Variants in STT3B observed in about 807,000 individuals in gnomAD.
The protein encoded by STT3B is dolichyl-diphosphooligosaccharide--protein glycosyltransferase subunit STT3B.
In STT3B, 29 loss-of-function variants were observed where a neutral mutation model predicts 96.8. That is an observed-to-expected ratio of 0.30 (90% CI 0.22 to 0.41). STT3B has a LOEUF of 0.41. Among genes scored for constraint, STT3B ranks in the 10% least tolerant of loss-of-function variants. The probability of loss-of-function intolerance (pLI) is 1.00; values close to 1 mark genes in which losing one functional copy is unlikely to be tolerated. For missense variants in STT3B, 640 were observed against 1,022.3 expected, an observed-to-expected ratio of 0.63 and a Z score of 5.10; for synonymous variants, 367 against 360.0, an observed-to-expected ratio of 1.02 and a Z score of -0.22.
chr3:31,610,585 CCTTTT>C (rs1341645630), intron 5 of STT3B, among the ~76,000 whole-genome samples: 3 of 152,078 alleles, frequency 2.0e-5, no homozygotes, highest in South Asian at 2.1e-4. Flanking sequence ...CTTTTCAGTG[CCTTTT>C]CTTTTCTAGA....
intron 5 of STT3B, among the ~76,000 whole-genome samples, chr3:31,605,151 T>G (rs1451663144): frequency 6.6e-6 from 1 of 152,170 alleles, no homozygotes; most frequent in Non-Finnish European, 1.5e-5. Context: ...AGGTGATTAC[T>G]GTATTAAGAC....
intron 3 of STT3B, among the ~76,000 whole-genome samples, chr3:31,589,746 T>G (rs559870086): frequency 2.0e-5 from 3 of 152,126 alleles, no homozygotes; most frequent in Admixed American, 2.0e-4. Flanking sequence ...TTTAGATTCC[T>G]TAGGATTTTC....
At chr3:31,613,470 C>T (rs1699230438) in intron 5 of STT3B, among the ~76,000 whole-genome samples, 1 of 152,074 alleles carries the variant, frequency 6.6e-6, no homozygotes, top group Admixed American at 6.6e-5. Context: ...TAGGATTTGA[C>T]TTCTCAGCTC....
At position 31,533,289 on chromosome 3, in the gene STT3B, C is replaced by A; in HGVS notation, c.291C>A (p.Ser97Arg). Residue 97 changes from serine to arginine, a missense_variant, in exon 1 of 16, where the codon AGC (serine) becomes AGA (arginine). Ser to Arg is a moderately radical substitution (Grantham distance 110, BLOSUM62 -1). This residue lies in a region of STT3B where 267 missense variants were observed against 388.3 expected (regional missense o/e 0.69). Coordinates refer to ENST00000295770, the MANE Select transcript of STT3B (RefSeq NM_178862.3). ...SRLFAVIRFE[S>R]IIHEFDPWFN... is the part of the protein sequence containing the mutation. Reference sequence around the variant, plus strand: ...TCTTCGCCGTCATCCGCTTCGAAAGCATCATCCACGAGTTCGACCCGTGGT... The same window carrying A: ...TCTTCGCCGTCATCCGCTTCGAAAGAATCATCCACGAGTTCGACCCGTGGT... The A allele has an allele frequency of 6.5e-7, 1 of 1,537,246 alleles. No homozygotes were observed.
chr3:31,630,133 A>G (rs1699623916), intron 14 of STT3B, among the ~76,000 whole-genome samples: 1 of 152,218 alleles, frequency 6.6e-6, no homozygotes, highest in African/African-American at 2.4e-5. Context: ...ATGTCACCCC[A>G]AAATATGCCT....
chr3:31,626,279 G>C (rs2125477644), intron 13 of STT3B, 152 bp downstream of exon 13: 1 of 695,474 alleles, frequency 1.4e-6, no homozygotes, highest in African/African-American at 1.8e-5. Context: ...AGATAGTAGA[G>C]GCATTTCCTA....
intron 9 of STT3B, among the ~76,000 whole-genome samples, chr3:31,620,946 T>A (rs1699414613): frequency 6.6e-6 from 1 of 152,194 alleles, no homozygotes; most frequent in Non-Finnish European, 1.5e-5. Context: ...TAATACTGCA[T>A]CATTCAAGAA....
intron 13 of STT3B, among the ~76,000 whole-genome samples, chr3:31,627,341 T>C (rs1699559345): frequency 6.6e-6 from 1 of 152,210 alleles, no homozygotes; most frequent in South Asian, 2.1e-4. Context: ...AACTAATGCC[T>C]GTTGATCTGA....
intron 1 of STT3B, among the ~76,000 whole-genome samples, chr3:31,558,124 A>G (rs951697440): frequency 1.3e-5 from 2 of 152,202 alleles, no homozygotes; most frequent in African/African-American, 4.8e-5. Context: ...GTGATATGCA[A>G]AGTGGGACAG....
Position 31,533,229 on chromosome 3 carries a change from C to T in STT3B, c.231C>T (p.Leu77=), listed in dbSNP as rs1490116572. 1.3e-6 allele frequency: 2 copies of T among 1,490,086 alleles called. No homozygotes were observed. Among genetic ancestry groups the T allele is most frequent in the Non-Finnish European group, 1.8e-6 (2 of 1,116,988 alleles). 92.3% of individuals were successfully genotyped at this position (1,490,086 alleles called of 1,614,324 possible). A position where few individuals can be genotyped will look rare whatever the true frequency, so the allele number is the denominator to read the frequency against. The change falls in exon 1 of 16, where the codon CTC becomes CTT. Residue 77 remains leucine, a synonymous_variant. Coordinates refer to ENST00000295770, the MANE Select transcript of STT3B (RefSeq NM_178862.3). The part of the protein sequence containing the change: ...GWQSLLSFTI[L]FLAWLAGFSS... The stretch of plus-strand genomic sequence containing the variant: ...AGTCGCTTCTCTCCTTCACCATCCT[C>T]TTCCTGGCCTGGCTTGCCGGCTTCA...
chr3:31,635,852 T>A (rs1307682357), intron 15 of STT3B, 132 bp from the exon 16 acceptor site: 3 of 605,690 alleles, frequency 5.0e-6, no homozygotes, highest in African/African-American at 3.8e-5. Context: ...ACTGAACTAT[T>A]CAAGGAATCC....
At position 31,611,744 on chromosome 3, in the gene STT3B, G is replaced by A. The variant is rs60404602; in HGVS notation, c.878-3361G>A. On this transcript the variant is annotated intron_variant, in intron 5 of 15. Coordinates refer to ENST00000295770, the MANE Select transcript of STT3B (RefSeq NM_178862.3). ...ATTCCCAACCTCAAGTGATGCATCC[G>A]CCTCAGCCTCCTAAAGTGCTAGGAT... 1.2e-3 allele frequency among the ~76,000 whole-genome samples: 179 copies of A among 152,154 alleles called. 1 individual carries two copies. Among genetic ancestry groups the A allele is most frequent in the African/African-American group, 4.2e-3 (174 of 41,512 alleles).
chr3:31,570,687 T>C (rs540525552), intron 1 of STT3B, among the ~76,000 whole-genome samples: 6 of 152,254 alleles, frequency 3.9e-5, no homozygotes, highest in Admixed American at 6.5e-5. Context: ...ACAGATTTTA[T>C]TCAGGAACTA....
At chr3:31,624,693 C>T (rs1309065157) in intron 11 of STT3B, among the ~76,000 whole-genome samples, 1 of 139,926 alleles carries the variant, frequency 7.1e-6, no homozygotes. Context: ...TTTTTAAATA[C>T]AAGATATGCA....
At chr3:31,576,307 A>C in intron 1 of STT3B, 89 bp from the exon 2 acceptor site, 1 of 666,882 alleles carries the variant, frequency 1.5e-6, no homozygotes, top group East Asian at 2.9e-5. Flanking sequence ...TCTGAAAGAT[A>C]CATTTATGTA....
At chr3:31,533,452 C>A in intron 1 of STT3B, 140 bp downstream of exon 1, 1 of 1,142,276 alleles carries the variant, frequency 8.8e-7, no homozygotes, top group Non-Finnish European at 1.1e-6. Flanking sequence ...CGGCGCGGAT[C>A]CCGGAGCTCC....
chr3:31,600,313 T>C, intron 4 of STT3B, 47 bp from the exon 5 acceptor site: 2 of 871,278 alleles, frequency 2.3e-6, no homozygotes, highest in East Asian at 5.5e-5. Context: ...TATACTTATT[T>C]TAAAAAGTAA....
chr3:31,613,874 T>C (rs1699242057), intron 5 of STT3B, among the ~76,000 whole-genome samples: 1 of 151,994 alleles, frequency 6.6e-6, no homozygotes. Context: ...CGTTATCTGA[T>C]GGATTATGTC....
chr3:31,548,160 G>A (rs1352864683), intron 1 of STT3B, among the ~76,000 whole-genome samples: 1 of 152,106 alleles, frequency 6.6e-6, no homozygotes, highest in African/African-American at 2.4e-5. Context: ...TCCATTTTAA[G>A]TGTCTTAAAG....
Sources: allele counts gnomAD v4.1 joint callset (sites outside exome capture counted in the v4.1 genomes callset), GRCh38; gene constraint gnomAD v4.1.1; regional missense constraint gnomAD v4.1.1; transcripts MANE v1.5; gene names NCBI Gene and HGNC (gene_info 2026-07-23, HGNC 2026-07-21).